NKD1: variants seen among roughly 807,000 people sequenced by gnomAD.
NKD1 encodes the protein protein naked cuticle homolog 1.
Under a neutral mutation model 56.0 loss-of-function variants are expected in NKD1, and 21 were observed. The observed-to-expected ratio is 0.38, with a 90% CI of 0.27 to 0.54. The LOEUF is 0.54. Among genes scored for constraint, NKD1 ranks in the 20% least tolerant of loss-of-function variants. The pLI, the probability that NKD1 is intolerant of heterozygous loss-of-function variation, is 0.82. For missense variants in NKD1, 578 were observed against 642.7 expected (o/e 0.90, Z 1.09); for synonymous variants, 263 against 265.7 (o/e 0.99, Z 0.10).
intron 4 of NKD1, among the ~76,000 whole-genome samples, chr16:50,619,231 A>G (rs1962032680): frequency 6.6e-6 from 1 of 151,536 alleles, no homozygotes; most frequent in Non-Finnish European, 1.5e-5. Context: ...AGGGGTGAGT[A>G]GAGGATGCTG....
chr16:50,623,735 G>A lies in NKD1; in HGVS notation c.367-1750G>A, dbSNP rs566104757. Among the ~76,000 whole-genome samples, 3 of 151,808 alleles carry A rather than the reference G, an allele frequency of 2.0e-5. No homozygotes were observed. Among genetic ancestry groups the A allele is most frequent in the East Asian group, 3.9e-4 (2 of 5,152 alleles). The stretch of plus-strand genomic sequence containing the variant: ...GGAAACAGGTAAGTGCTGTGTGTGT[G>A]TGTGTGTGTGTGTGTGTGTGTGTGT... On this transcript the variant is annotated intron_variant, in intron 5 of 9. Coordinates refer to ENST00000268459, the MANE Select transcript of NKD1 (RefSeq NM_033119.5). This position sits in a 1 kb window ranked among gnomAD's most constrained non-coding sequence, Gnocchi z 4.1.
intron 3 of NKD1, chr16:50,552,218 G>T (rs1410994191): frequency 6.6e-6 from 1 of 152,220 alleles, no homozygotes; most frequent in East Asian, 1.9e-4. Context: ...GTGCCTATAT[G>T]TGTCAAGCAC....
chr16:50,559,916 G>A (rs981602947), intron 3 of NKD1, among the ~76,000 whole-genome samples: 10 of 152,114 alleles, frequency 6.6e-5, no homozygotes, highest in Admixed American at 6.5e-5. Flanking sequence ...GGCTCAGGCC[G>A]GAGGATGTTT....
chr16:50,630,692 C>A (rs774967060), intron 7 of NKD1, 134 bp from the exon 8 acceptor site: 107 of 703,770 alleles, frequency 1.5e-4, no homozygotes, highest in Middle Eastern at 1.2e-3. Flanking sequence ...AGCCTTGAGA[C>A]CCCTTTATTT....
Position 50,641,006 on chromosome 16 carries a change from A to G in NKD1, c.*7225A>G, listed in dbSNP as rs1205486623. 1.3e-5 allele frequency: 2 copies of G among 152,190 alleles called. No individual in the cohort carries two copies. Among genetic ancestry groups the G allele is most frequent in the Non-Finnish European group, 2.9e-5 (2 of 68,046 alleles). The allele number at this position is 152,190 out of a possible 1,614,324, so 9.4% of individuals were successfully genotyped here. On this transcript the variant is annotated 3_prime_UTR_variant, in exon 10 of 10. Transcript: ENST00000268459. ...ACTCCAGGTGGGGGTGTGGAGTCCA[A>G]ATGGACAGTTCTTCCCAAAGCTGAG...
intron 4 of NKD1, among the ~76,000 whole-genome samples, chr16:50,615,629 G>T (rs1961942845): frequency 6.6e-6 from 1 of 152,226 alleles, no homozygotes; most frequent in Non-Finnish European, 1.5e-5. Context: ...AGAGGTGGCA[G>T]CAGCCGGGTC....
chr16:50,549,104 C>T (rs956891199), intron 2 of NKD1: 1 of 161,076 alleles, frequency 6.2e-6, no homozygotes, highest in Non-Finnish European at 1.3e-5. Flanking sequence ...CCTGCACCTA[C>T]TGCGGCCCCT....
At chr16:50,568,466 C>G (rs905545426) in intron 3 of NKD1, among the ~76,000 whole-genome samples, 3 of 152,206 alleles carry the variant, frequency 2.0e-5, no homozygotes, top group African/African-American at 7.2e-5. Context: ...GCAGGACCTG[C>G]CTCATGGGCT....
chr16:50,561,605 T>A (rs919191181), intron 3 of NKD1, among the ~76,000 whole-genome samples: 2 of 152,202 alleles, frequency 1.3e-5, no homozygotes, highest in Non-Finnish European at 2.9e-5. Context: ...CCTCACCTCA[T>A]GAGTAGCTTG....
chr16:50,632,387 T>C lies in NKD1; in HGVS notation c.802T>C (p.Tyr268His). Residue 268 changes from tyrosine (Y) to histidine (H), a missense_variant, in exon 9 of 10, where the codon TAC becomes CAC. Physicochemically the swap from Tyr to His is moderately conservative, Grantham distance 83 (BLOSUM62 2). Transcript: ENST00000268459. This position sits in a 1 kb window ranked among gnomAD's most constrained non-coding sequence, Gnocchi z 4.1. ...CTTAGATCTCGCCGGGATAGAAAAC[T>C]ACACGTCCCAATTTGGGCCTGGTAA... is the stretch of plus-strand genomic sequence containing the variant. ...HYLDLAGIEN[Y>H]TSQFGPGSPS... The C allele has an allele frequency of 2.5e-6, 4 of 1,614,048 alleles. No individual in the cohort carries two copies. Among genetic ancestry groups the C allele is most frequent in the Non-Finnish European group, 3.4e-6 (4 of 1,179,982 alleles).
At chr16:50,554,451 A>G (rs546432656) in intron 3 of NKD1, among the ~76,000 whole-genome samples, 1 of 151,822 alleles carries the variant, frequency 6.6e-6, no homozygotes, top group Non-Finnish European at 1.5e-5. Context: ...AGATTAGGTC[A>G]CCCTCCCTGC....
At chr16:50,578,836 C>T (rs1302123764) in intron 3 of NKD1, among the ~76,000 whole-genome samples, 1 of 152,128 alleles carries the variant, frequency 6.6e-6, no homozygotes, top group African/African-American at 2.4e-5. Flanking sequence ...GCTTTTGTCT[C>T]TGGGAATGCA....
intron 3 of NKD1, chr16:50,562,445 T>C (rs1448558409): frequency 1.1e-5 from 2 of 180,754 alleles, no homozygotes; most frequent in Non-Finnish European, 2.1e-5. Flanking sequence ...CATGTGCTAC[T>C]TTTTGTATTT....
chr16:50,641,951 CA>C lies in NKD1; in HGVS notation c.*8174del, dbSNP rs1962587627. On this transcript the variant is annotated 3_prime_UTR_variant, in exon 10 of 10. Transcript: ENST00000268459. ...CCAAGACAGGTGGAAAGCCCCAACT[CA>C]AAAGACTGGCTGGATTGTACCCGGC... 1 of 152,282 alleles carries C rather than the reference CA, an allele frequency of 6.6e-6. No individual in the cohort carries two copies. The highest frequency in any genetic ancestry group is 1.5e-5 in the Non-Finnish European group (1 of 68,096). The allele number at this position is 152,282 out of a possible 1,614,324, so 9.4% of individuals were successfully genotyped here.
chr16:50,602,579 G>A (rs895586053), intron 3 of NKD1, among the ~76,000 whole-genome samples: 1 of 152,152 alleles, frequency 6.6e-6, no homozygotes, highest in South Asian at 2.1e-4. Context: ...ATAAGGCTGG[G>A]GTTTATGACC....
intron 4 of NKD1, among the ~76,000 whole-genome samples, chr16:50,621,297 C>T (rs966288368): frequency 2.0e-5 from 3 of 152,330 alleles, no homozygotes; most frequent in Non-Finnish European, 4.4e-5. Flanking sequence ...CATCCATCTG[C>T]CCTCTGGCCT....
chr16:50,588,114 C>T (rs1383446855), intron 3 of NKD1, among the ~76,000 whole-genome samples: 1 of 152,072 alleles, frequency 6.6e-6, no homozygotes, highest in Non-Finnish European at 1.5e-5. Flanking sequence ...TGGCTGGTGG[C>T]CTGGTACTGA....
At chr16:50,556,369 G>T (rs985080841) in intron 3 of NKD1, 1 of 152,308 alleles carries the variant, frequency 6.6e-6, no homozygotes, top group Non-Finnish European at 1.5e-5. Flanking sequence ...TAGCCTTGTG[G>T]GCACCAGTCG....
At chr16:50,609,206 G>T (rs1323054613) in intron 4 of NKD1, among the ~76,000 whole-genome samples, 1 of 152,252 alleles carries the variant, frequency 6.6e-6, no homozygotes, top group Non-Finnish European at 1.5e-5. Flanking sequence ...CTGGCTGCTG[G>T]TGTGCTGGTT....
Sources: allele counts gnomAD v4.1 joint callset (sites outside exome capture counted in the v4.1 genomes callset), GRCh38; gene constraint gnomAD v4.1.1; non-coding constraint Gnocchi (gnomAD v3.1); transcripts MANE v1.5; gene names NCBI Gene and HGNC (gene_info 2026-07-23, HGNC 2026-07-21).